The following LRRC4C variants were observed in gnomAD, a reference collection of about 807,000 sequenced individuals.
LRRC4C encodes the protein leucine-rich repeat-containing protein 4C.
LRRC4C carries 5 observed loss-of-function variants against 33.6 expected under a neutral mutation model. The ratio of observed to expected loss-of-function variants is 0.15; its 90% CI spans 0.08 to 0.31. The LOEUF (loss-of-function observed/expected upper bound fraction) is 0.31, where lower values mean the gene tolerates loss of function less well. Ranked by LOEUF, LRRC4C falls within the 10% of genes least tolerant of loss-of-function variation. The pLI is 1.00. For synonymous variants in LRRC4C, 329 were observed against 302.0 expected (o/e 1.09, Z -0.93); for missense variants, 560 against 796.7 (o/e 0.70, Z 3.58).
At chr11:40,882,451 C>T (rs1955229349) in intron 2 of LRRC4C, among the ~76,000 whole-genome samples, 1 of 152,108 alleles carries the variant, frequency 6.6e-6, no homozygotes, top group Non-Finnish European at 1.5e-5. Flanking sequence ...ATACATTAGG[C>T]TAGAATTCAG....
intron 1 of LRRC4C, among the ~76,000 whole-genome samples, chr11:41,405,410 G>A (rs921745859): frequency 6.6e-6 from 1 of 152,038 alleles, no homozygotes; most frequent in Non-Finnish European, 1.5e-5. Context: ...AAAATAAAAG[G>A]TACAAAAGTA....
intron 1 of LRRC4C, among the ~76,000 whole-genome samples, chr11:41,219,395 T>C (rs1351967265): frequency 1.3e-5 from 2 of 152,146 alleles, no homozygotes; most frequent in African/African-American, 4.8e-5. Context: ...GTCAAATGCA[T>C]AAGGGCCAGG....
intron 1 of LRRC4C, among the ~76,000 whole-genome samples, chr11:41,350,610 A>G (rs1180104899): frequency 1.3e-5 from 2 of 152,122 alleles, no homozygotes; most frequent in African/African-American, 2.4e-5. Flanking sequence ...TCACATGGGC[A>G]TCTCAGCAAT....
At chr11:40,748,829 CTATACATA>C (rs1422732355) in intron 2 of LRRC4C, among the ~76,000 whole-genome samples, 1 of 151,924 alleles carries the variant, frequency 6.6e-6, no homozygotes, top group Non-Finnish European at 1.5e-5. Context: ...ACAAGAATAG[CTATACATA>C]TATTGATTAA....
intron 2 of LRRC4C, among the ~76,000 whole-genome samples, chr11:40,753,434 A>G (rs1184367166): frequency 6.6e-6 from 1 of 151,884 alleles, no homozygotes; most frequent in East Asian, 1.9e-4. Context: ...AAAAAAAAAT[A>G]CATAAAAAAC....
chr11:40,762,324 G>A (rs1037929396), intron 2 of LRRC4C, among the ~76,000 whole-genome samples: 1 of 152,050 alleles, frequency 6.6e-6, no homozygotes, highest in Admixed American at 6.6e-5. Context: ...AGCAAATGTG[G>A]GTCATTCCTT....
intron 1 of LRRC4C, among the ~76,000 whole-genome samples, chr11:41,177,186 C>T (rs1945242205): frequency 6.6e-6 from 1 of 152,068 alleles, no homozygotes; most frequent in African/African-American, 2.4e-5. Flanking sequence ...TGACTTATAA[C>T]AGAGGATGAT....
At chr11:40,986,073 T>C (rs1461886446) in intron 1 of LRRC4C, among the ~76,000 whole-genome samples, 1 of 152,170 alleles carries the variant, frequency 6.6e-6, no homozygotes, top group Non-Finnish European at 1.5e-5. Flanking sequence ...CTAGTTAAAC[T>C]ATATATGAAA....
chr11:40,349,537 G>A (rs1448728072), intron 3 of LRRC4C, among the ~76,000 whole-genome samples: 1 of 152,090 alleles, frequency 6.6e-6, no homozygotes, highest in Non-Finnish European at 1.5e-5. Flanking sequence ...TAACATGGGA[G>A]TGCAGATATT....
intron 2 of LRRC4C, among the ~76,000 whole-genome samples, chr11:40,870,240 T>C (rs1954567842): frequency 6.6e-6 from 1 of 152,200 alleles, no homozygotes; most frequent in African/African-American, 2.4e-5. Flanking sequence ...AAAATTCCAA[T>C]TCCAATCTCT....
intron 4 of LRRC4C, among the ~76,000 whole-genome samples, chr11:40,250,477 T>C (rs1254080206): frequency 1.3e-5 from 2 of 151,936 alleles, no homozygotes; most frequent in African/African-American, 4.8e-5. Context: ...TGGTGGCTCA[T>C]GCCTGTAACC....
chr11:40,278,439 T>C (rs966920445), intron 4 of LRRC4C, among the ~76,000 whole-genome samples: 1 of 152,200 alleles, frequency 6.6e-6, no homozygotes. Context: ...AAAGATCCTC[T>C]ACCAGTGAGC....
intron 3 of LRRC4C, among the ~76,000 whole-genome samples, chr11:40,474,427 T>A (rs1953106692): frequency 6.6e-6 from 1 of 152,008 alleles, no homozygotes. Flanking sequence ...ATAAAAAAAA[T>A]TAACTCAGGA....
At chr11:41,416,210 G>A (rs79565637) in intron 1 of LRRC4C, among the ~76,000 whole-genome samples, 9,482 of 151,986 alleles carry the variant, frequency 0.062, 349 homozygotes, top group East Asian at 0.13. Flanking sequence ...TGGAACAACC[G>A]GGGCAAATAA....
intron 1 of LRRC4C, among the ~76,000 whole-genome samples, chr11:41,065,070 C>G (rs1052113747): frequency 2.6e-5 from 3 of 117,488 alleles, no homozygotes; most frequent in African/African-American, 6.3e-5. Flanking sequence ...GTAGACTCCC[C>G]CGGAAAGGGG....
intron 1 of LRRC4C, among the ~76,000 whole-genome samples, chr11:41,375,642 A>G (rs922080471): frequency 6.6e-6 from 1 of 152,182 alleles, no homozygotes; most frequent in African/African-American, 2.4e-5. Context: ...TACTGCCTGG[A>G]TCACATCAGG....
chr11:41,130,394 G>A (rs546953649), intron 1 of LRRC4C, among the ~76,000 whole-genome samples: 1 of 151,950 alleles, frequency 6.6e-6, no homozygotes, highest in African/African-American at 2.4e-5. Flanking sequence ...TCTTGAGCAA[G>A]ACTGACAGCT....
chr11:41,204,859 T>C (rs908495383), intron 1 of LRRC4C, among the ~76,000 whole-genome samples: 24 of 152,268 alleles, frequency 1.6e-4, no homozygotes, highest in East Asian at 9.7e-4. Context: ...AGTAACCAGA[T>C]ACATAAACAA....
At chr11:40,473,414 A>G (rs1953043740) in intron 3 of LRRC4C, among the ~76,000 whole-genome samples, 1 of 152,180 alleles carries the variant, frequency 6.6e-6, no homozygotes, top group Non-Finnish European at 1.5e-5. Context: ...CCTTCATGCT[A>G]AAACTCTCAA....
Sources: gnomAD v4.1 joint callset for allele counts (sites outside exome capture counted in the v4.1 genomes callset) on GRCh38, gnomAD v4.1.1 for gene constraint, MANE v1.5 for transcripts, NCBI Gene and HGNC (gene_info 2026-07-23, HGNC 2026-07-21) for gene names.